The following NKAIN3 variants were observed in gnomAD, a reference collection of about 807,000 sequenced individuals.
NKAIN3 encodes sodium/potassium transporting ATPase interacting 3.
NKAIN3 carries 25 observed loss-of-function variants against 30.2 expected under a neutral mutation model. The ratio of observed to expected loss-of-function variants is 0.83; its 90% CI spans 0.60 to 1.16. The LOEUF (loss-of-function observed/expected upper bound fraction) is 1.16. Among genes scored for constraint, NKAIN3 ranks in the 50% most tolerant of loss-of-function variants. The probability of loss-of-function intolerance (pLI) is 0.00; values close to 1 mark genes in which losing one functional copy is unlikely to be tolerated. For synonymous variants in NKAIN3, 91 were observed against 89.6 expected (o/e 1.02, Z -0.09); for missense variants, 225 against 254.1 (o/e 0.89, Z 0.78).
At chr8:62,259,471 A>C (rs1480284809) in intron 1 of NKAIN3, among the ~76,000 whole-genome samples, 1 of 152,204 alleles carries the variant, frequency 6.6e-6, no homozygotes, top group Non-Finnish European at 1.5e-5. Context: ...GTGTGTGAAC[A>C]TGCATCTACA....
intron 2 of NKAIN3, among the ~76,000 whole-genome samples, chr8:62,586,082 G>C (rs931625515): frequency 6.6e-6 from 1 of 152,140 alleles, no homozygotes; most frequent in Non-Finnish European, 1.5e-5. Context: ...TTAAAAATTT[G>C]TAAAGGGTCA....
chr8:62,714,384 T>G (rs565328154), intron 3 of NKAIN3, among the ~76,000 whole-genome samples: 1 of 152,100 alleles, frequency 6.6e-6, no homozygotes, highest in Non-Finnish European at 1.5e-5. Flanking sequence ...AATCTTTGTA[T>G]TTATTTGATC....
intron 3 of NKAIN3, among the ~76,000 whole-genome samples, chr8:62,610,462 A>G (rs1811254774): frequency 6.6e-6 from 1 of 152,124 alleles, no homozygotes; most frequent in Admixed American, 6.5e-5. Context: ...AGTAGATAGT[A>G]GTAGAGGTGG....
At chr8:62,567,016 T>A (rs868850879) in intron 1 of NKAIN3, among the ~76,000 whole-genome samples, 3 of 152,266 alleles carry the variant, frequency 2.0e-5, no homozygotes, top group African/African-American at 4.8e-5. Flanking sequence ...TTACGCTTTG[T>A]GGATATAGCT....
At chr8:62,620,550 C>T (rs967367790) in intron 3 of NKAIN3, among the ~76,000 whole-genome samples, 1 of 151,928 alleles carries the variant, frequency 6.6e-6, no homozygotes, top group Non-Finnish European at 1.5e-5. Context: ...TAATTTAGAC[C>T]CAGACCTCCC....
chr8:62,781,608 C>A (rs1817356391), intron 4 of NKAIN3, among the ~76,000 whole-genome samples: 1 of 151,580 alleles, frequency 6.6e-6, no homozygotes. Context: ...AATAGAGAAC[C>A]CAGAAATAAA....
rs1028856003 is a variant in NKAIN3, at chr8:62,978,946, G to A, written c.*13539G>A. ...CCCCACTCACGGCATGGTCCCTCAT[G>A]GCTTCCCTTGGCTAGGGGAGGGAGT... On this transcript the variant is annotated 3_prime_UTR_variant, in exon 7 of 7. Transcript: ENST00000623646. 2 of 152,992 alleles carry A rather than the reference G, an allele frequency of 1.3e-5. No homozygotes were observed. Among genetic ancestry groups the A allele is most frequent in the East Asian group, 3.9e-4 (2 of 5,150 alleles). The allele number at this position is 152,992 out of a possible 1,614,324, so 9.5% of individuals were successfully genotyped here.
intron 4 of NKAIN3, among the ~76,000 whole-genome samples, chr8:62,756,292 T>C (rs1816448959): frequency 6.6e-6 from 1 of 152,166 alleles, no homozygotes; most frequent in Admixed American, 6.6e-5. Flanking sequence ...AATTTCTGTC[T>C]CTATAGACTT....
chr8:62,907,278 T>C (rs1231470428), intron 4 of NKAIN3, among the ~76,000 whole-genome samples: 2 of 152,190 alleles, frequency 1.3e-5, no homozygotes, highest in East Asian at 3.9e-4. Flanking sequence ...TAAGTATTAA[T>C]ATATTAATGT....
chr8:62,465,191 A>G (rs1806123905), intron 1 of NKAIN3, among the ~76,000 whole-genome samples: 1 of 152,208 alleles, frequency 6.6e-6, no homozygotes, highest in Non-Finnish European at 1.5e-5. Flanking sequence ...TTAAATTATC[A>G]TTATTGTATA....
chr8:62,897,370 A>AT (rs34000069), intron 4 of NKAIN3, among the ~76,000 whole-genome samples: 38 of 150,918 alleles, frequency 2.5e-4, no homozygotes, highest in Non-Finnish European at 5.3e-4. Flanking sequence ...TGTTGGTGTA[A>AT]TTTTTTTTTT....
chr8:62,457,113 A>G (rs1182069360), intron 1 of NKAIN3, among the ~76,000 whole-genome samples: 1 of 152,250 alleles, frequency 6.6e-6, no homozygotes, highest in Non-Finnish European at 1.5e-5. Context: ...GGAAACTAAA[A>G]TAATGAAAGT....
In NKAIN3 at chr8:62,777,003, A is replaced by C. The variant is rs1322660792; in HGVS notation, c.471+29874A>C. On this transcript the variant is annotated intron_variant, in intron 4 of 6. Coordinates refer to ENST00000623646, the MANE Select transcript of NKAIN3 (RefSeq NM_001304533.3). ...TTCTATGGTGAAAGCTTTTTCCTTC[A>C]ACACTTTAAATATGTCATGCCGCTC... 3.3e-5 allele frequency among the ~76,000 whole-genome samples: 5 copies of C among 152,118 alleles called. No homozygotes were observed. In the East Asian group the frequency reaches 9.6e-4, roughly 29 times the overall value.
intron 2 of NKAIN3, among the ~76,000 whole-genome samples, chr8:62,588,180 A>ATCTTCC (rs1473036501): frequency 6.6e-6 from 1 of 151,860 alleles, no homozygotes; most frequent in Non-Finnish European, 1.5e-5. Context: ...GGAAGATATC[A>ATCTTCC]AACACTAGAT....
intron 1 of NKAIN3, among the ~76,000 whole-genome samples, chr8:62,437,583 A>T (rs963391094): frequency 6.6e-6 from 1 of 152,214 alleles, no homozygotes; most frequent in African/African-American, 2.4e-5. Flanking sequence ...GGAAAGGGCT[A>T]TGAAATTTTA....
chr8:62,851,299 T>C (rs1819888781), intron 4 of NKAIN3, among the ~76,000 whole-genome samples: 1 of 152,230 alleles, frequency 6.6e-6, no homozygotes, highest in Admixed American at 6.5e-5. Flanking sequence ...TTTTTGCACA[T>C]TGATTTTGTA....
chr8:62,571,363 C>T (rs1479515746), intron 1 of NKAIN3, among the ~76,000 whole-genome samples: 6 of 151,764 alleles, frequency 4.0e-5, no homozygotes, highest in Non-Finnish European at 7.4e-5. Context: ...GGTTGGTTGC[C>T]GTGGTCTTGG....
intron 1 of NKAIN3, among the ~76,000 whole-genome samples, chr8:62,309,722 G>A (rs1378605791): frequency 6.7e-6 from 1 of 150,188 alleles, no homozygotes; most frequent in Non-Finnish European, 1.5e-5. Flanking sequence ...TTTTTGTACT[G>A]TCTGAAATAG....
At chr8:62,504,916 T>A (rs1300812350) in intron 1 of NKAIN3, among the ~76,000 whole-genome samples, 1 of 152,194 alleles carries the variant, frequency 6.6e-6, no homozygotes, top group African/African-American at 2.4e-5. Context: ...TTTTGAATGC[T>A]CTTCTTCCCT....
Sources: allele counts gnomAD v4.1 joint callset (sites outside exome capture counted in the v4.1 genomes callset), GRCh38; gene constraint gnomAD v4.1.1; transcripts MANE v1.5; gene names NCBI Gene and HGNC (gene_info 2026-07-23, HGNC 2026-07-21).